The following KCNH2 variants were observed in gnomAD, a reference collection of about 807,000 sequenced individuals.
The protein encoded by KCNH2 is potassium voltage-gated channel subfamily H member 2.
Under a neutral mutation model 95.9 loss-of-function variants are expected in KCNH2, and 35 were observed. The ratio of observed to expected loss-of-function variants is 0.37; its 90% CI spans 0.28 to 0.48. The LOEUF is 0.48. KCNH2 is among the 20% of genes least tolerant of loss of function. The pLI is 0.99. For missense variants in KCNH2, 1,274 were observed against 1,702.9 expected (o/e 0.75, Z 4.43); for synonymous variants, 786 against 754.7 (o/e 1.04, Z -0.68).
chr7:150,955,401 G>A (rs998612829), intron 5 of KCNH2: 1 of 1,558,826 alleles, frequency 6.4e-7, no homozygotes, highest in South Asian at 1.2e-5. Flanking sequence ...CCTACCTCCT[G>A]GGCCACGAGG....
In KCNH2 at chr7:150,947,428, G is replaced by C. The variant is rs41313764; in HGVS notation, c.3052C>G (p.Pro1018Ala). The C allele has an allele frequency of 3.9e-5, 60 of 1,556,376 alleles. No homozygotes were observed. Among genetic ancestry groups the C allele is most frequent in the Non-Finnish European group, 5.0e-5 (57 of 1,150,218 alleles). Residue 1018 changes from proline to alanine, a missense_variant, in exon 13 of 15, where the codon CCC becomes GCC. Coordinates refer to ENST00000262186, the MANE Select transcript of KCNH2 (RefSeq NM_000238.4). ...QYQELPRCPAPTPSLLNIPLS... is the reference protein window; with the variant it reads ...QYQELPRCPAATPSLLNIPLS... Reference sequence around the variant, plus strand: ...GGGATGTTGAGGAGGCTGGGGGTGGGGGCGGGGCATCGAGGGAGCTCCTGG... The same window carrying C: ...GGGATGTTGAGGAGGCTGGGGGTGGCGGCGGGGCATCGAGGGAGCTCCTGG...
In KCNH2 at chr7:150,957,195, C is replaced by G. The variant is rs370068933; in HGVS notation, c.1128+96G>C. 38 of 1,058,186 alleles carry G rather than the reference C, an allele frequency of 3.6e-5. No individual in the cohort carries two copies. In the African/African-American group the frequency reaches 5.7e-4, roughly 16 times the overall value. 65.5% of individuals were successfully genotyped at this position (1,058,186 alleles called of 1,614,324 possible). A position where few individuals can be genotyped will look rare whatever the true frequency, so the allele number is the denominator to read the frequency against. On this transcript the variant is annotated intron_variant, in intron 5 of 14. Coordinates refer to ENST00000262186, the MANE Select transcript of KCNH2 (RefSeq NM_000238.4). ...CCTCCCTCCAAGAGGCCCTCACTGG[C>G]TAGCCCCCTCCACCCGGCTCTGGAT...
chr7:150,974,992 G>A (rs1801945016), intron 1 of KCNH2, 51 bp from the exon 2 acceptor site: 10 of 1,469,876 alleles, frequency 6.8e-6, no homozygotes, highest in Non-Finnish European at 9.2e-6. Context: ...CAGCCTCCGG[G>A]ACTCCCAGCC....
Position 150,947,316 on chromosome 7 carries a change from G to T in KCNH2, c.3152+12C>A, listed in dbSNP as rs72549420. On this transcript the variant is annotated intron_variant, in intron 13 of 14. Transcript: ENST00000262186. ...CAGGGCGTGCCCCCCCACCCCACCT[G>T]CACTCCCTCACCTGTTGAGCTGGCG... is the stretch of plus-strand genomic sequence containing the variant. 3.2e-3 allele frequency: 4,886 copies of T among 1,537,348 alleles called. 16 individuals are homozygous for T. The highest frequency in any genetic ancestry group is 3.3e-3 in the Non-Finnish European group (3,760 of 1,144,880).
chr7:150,974,751 G>C lies in KCNH2; in HGVS notation c.267C>G (p.Ala89=), dbSNP rs771100245. The change falls in exon 2 of 15, where the codon GCC becomes GCG. Residue 89 remains alanine (A), a synonymous_variant. Transcript: ENST00000262186. ...AGGCGATTTCCACTTTGCGCTCCTCGGCGCCCAGCAGTGCCTGCGCGATCT... is the reference window on the plus strand; with the variant it reads ...AGGCGATTTCCACTTTGCGCTCCTCCGCGCCCAGCAGTGCCTGCGCGATCT... ...AAQIAQALLG[A]EERKVEIAFY... The C allele has an allele frequency of 1.9e-6, 3 of 1,605,908 alleles. No individual in the cohort carries two copies. The highest frequency in any genetic ancestry group is 2.5e-6 in the Non-Finnish European group (3 of 1,177,016).
chr7:150,967,754 T>C (rs1427387877), intron 2 of KCNH2, among the ~76,000 whole-genome samples: 1 of 152,218 alleles, frequency 6.6e-6, no homozygotes, highest in East Asian at 1.9e-4. Flanking sequence ...TAAAAATCAA[T>C]GAATTTGTTT....
In KCNH2 at chr7:150,957,369, AGCCAAGAAGGGGTC is replaced by A; in HGVS notation, c.1036_1049del (p.Asp346PhefsTer5). 3 of 1,613,824 alleles carry A rather than the reference AGCCAAGAAGGGGTC, an allele frequency of 1.9e-6. No individual in the cohort carries two copies. The highest frequency in any genetic ancestry group is 2.5e-6 in the Non-Finnish European group (3 of 1,179,880). Reference sequence around the variant, plus strand: ...TGATCTCACGGTCACTGGTGGGCGAAGCCAAGAAGGGGTCGCCCTTGAGGTCCACAAAGTTGAGG... The same window carrying A: ...TGATCTCACGGTCACTGGTGGGCGAAGCCCTTGAGGTCCACAAAGTTGAGG... On this transcript the variant is annotated frameshift_variant, in exon 5 of 15. Transcript: ENST00000262186. LOFTEE classifies it high-confidence loss of function.
intron 2 of KCNH2, among the ~76,000 whole-genome samples, chr7:150,969,626 C>G (rs554167786): frequency 6.6e-6 from 1 of 152,318 alleles, no homozygotes; most frequent in Non-Finnish European, 1.5e-5. Flanking sequence ...CTGCCCACCC[C>G]ATTCATTCAT....
rs199473519 is a variant in KCNH2, at chr7:150,951,693, A to G, written c.1700T>C (p.Ile567Thr). 1 of 1,614,190 alleles carries G rather than the reference A, an allele frequency of 6.2e-7. No homozygotes were observed. The highest frequency in any genetic ancestry group is 8.5e-7 in the Non-Finnish European group (1 of 1,180,014). ...FALIAHWLAC[I>T]WYAIGNMEQP... ...CTCCATGTTGCCGATGGCGTACCAG[A>G]TGCAGGCTAGCCAGTGCGCGATGAG... Residue 567 changes from isoleucine (I) to threonine (T), a missense_variant, in exon 7 of 15, where the codon ATC (isoleucine) becomes ACC (threonine). This residue lies in a region of KCNH2 where 147 missense variants were observed against 344.4 expected (regional missense o/e 0.43). Transcript: ENST00000262186.
At position 150,950,871 on chromosome 7, in the gene KCNH2, C is replaced by A. The variant is rs1262554268; in HGVS notation, c.2145+50G>T. The A allele has an allele frequency of 4.4e-6, 7 of 1,580,718 alleles. No individual in the cohort carries two copies. The African/African-American group carries it at 9.4e-5, about 21-fold the overall frequency. Reference sequence around the variant, plus strand: ...TGTGCCAAGAGGTTCCCCTCTGCCACCCCACTCTTCCCAGCCTGCCACCCA... The same window carrying A: ...TGTGCCAAGAGGTTCCCCTCTGCCAACCCACTCTTCCCAGCCTGCCACCCA... On this transcript the variant is annotated intron_variant, in intron 8 of 14. Coordinates refer to ENST00000262186, the MANE Select transcript of KCNH2 (RefSeq NM_000238.4).
At chr7:150,965,894 C>T (rs1801690456) in intron 2 of KCNH2, among the ~76,000 whole-genome samples, 1 of 152,218 alleles carries the variant, frequency 6.6e-6, no homozygotes, top group African/African-American at 2.4e-5. Context: ...AGGGGCACAG[C>T]CCACCCTTTC....
At chr7:150,950,874 C>T (rs543261098) in intron 8 of KCNH2, 47 bp downstream of exon 8, 6 of 1,588,014 alleles carry the variant, frequency 3.8e-6, no homozygotes, top group East Asian at 4.5e-5. Context: ...TCTGCCACCC[C>T]ACTCTTCCCA....
At chr7:150,977,343 G>T (rs1802002640) in intron 1 of KCNH2, among the ~76,000 whole-genome samples, 1 of 152,190 alleles carries the variant, frequency 6.6e-6, no homozygotes, top group African/African-American at 2.4e-5. Context: ...ATATACACAC[G>T]GCACACACAA....
intron 11 of KCNH2, 36 bp downstream of exon 11, chr7:150,948,408 C>CA: frequency 1.0e-6 from 1 of 967,880 alleles, no homozygotes; most frequent in South Asian, 1.4e-5. Flanking sequence ...CTCACCTTGT[C>CA]CCCGCCCTCC....
chr7:150,971,133 G>A (rs576503557), intron 2 of KCNH2, among the ~76,000 whole-genome samples: 20 of 152,190 alleles, frequency 1.3e-4, no homozygotes, highest in Non-Finnish European at 2.6e-4. Flanking sequence ...AAGAAGACAG[G>A]ACAGACGGCC....
intron 1 of KCNH2, among the ~76,000 whole-genome samples, chr7:150,976,609 A>T (rs1801985620): frequency 6.6e-6 from 1 of 152,118 alleles, no homozygotes; most frequent in Non-Finnish European, 1.5e-5. Context: ...AGATCCTGGA[A>T]TACAGGGATG....
chr7:150,965,665 A>G (rs1179432392), intron 2 of KCNH2, among the ~76,000 whole-genome samples: 1 of 151,676 alleles, frequency 6.6e-6, no homozygotes, highest in African/African-American at 2.4e-5. Flanking sequence ...TCTGACCCAC[A>G]TGGACGCTGC....
At chr7:150,971,135 C>A (rs1801830310) in intron 2 of KCNH2, among the ~76,000 whole-genome samples, 1 of 152,138 alleles carries the variant, frequency 6.6e-6, no homozygotes, top group African/African-American at 2.4e-5. Flanking sequence ...GAAGACAGGA[C>A]AGACGGCCTT....
chr7:150,958,486 G>C lies in KCNH2; in HGVS notation c.489C>G (p.Phe163Leu), dbSNP rs1307704357. The change falls in exon 4 of 15, where the codon TTC becomes TTG. Residue 163 changes from phenylalanine (F) to leucine (L), a missense_variant. Physicochemically the swap from Phe to Leu is conservative, Grantham distance 22. Coordinates refer to ENST00000262186, the MANE Select transcript of KCNH2 (RefSeq NM_000238.4). Reference protein sequence around the residue: ...SWLAPGRAKTFRLKLPALLAL... With the variant: ...SWLAPGRAKTLRLKLPALLAL... ...CCAGCAGCGCGGGCAGCTTCAGGCG[G>C]AAGGTCTTGGCGCGGCCTGCGGGAG... 9.5e-6 allele frequency: 14 copies of C among 1,473,044 alleles called. No individual in the cohort carries two copies. Among genetic ancestry groups the C allele is most frequent in the Non-Finnish European group, 1.3e-5 (14 of 1,118,792 alleles). The allele number at this position is 1,473,044 out of a possible 1,614,324, so 91.2% of individuals were successfully genotyped here.
Sources: allele counts gnomAD v4.1 joint callset (sites outside exome capture counted in the v4.1 genomes callset), GRCh38; gene constraint gnomAD v4.1.1; regional missense constraint gnomAD v4.1.1; transcripts MANE v1.5; gene names NCBI Gene and HGNC (gene_info 2026-07-23, HGNC 2026-07-21).